The following MFSD6 variants were observed in gnomAD, a reference collection of about 807,000 sequenced individuals.
MFSD6 encodes the protein major facilitator superfamily domain-containing protein 6.
A neutral mutation model predicts 56.3 loss-of-function variants in MFSD6; 26 were observed. That is an observed-to-expected ratio of 0.46 (90% confidence interval 0.34 to 0.64). MFSD6 has a LOEUF of 0.64. Ranked by LOEUF, MFSD6 falls within the 30% of genes least tolerant of loss-of-function variation. MFSD6 has a pLI of 0.01. For missense variants in MFSD6, 750 were observed against 986.2 expected (o/e 0.76, Z 3.21); for synonymous variants, 331 against 366.9 (o/e 0.90, Z 1.12).
chr2:190,436,399 G>A lies in MFSD6; in HGVS notation c.370G>A (p.Val124Ile). The A allele has an allele frequency of 6.2e-7, 1 of 1,614,198 alleles. No homozygotes were observed. The change falls in exon 3 of 8, where the codon GTT (valine) becomes ATT (isoleucine). Residue 124 changes from valine to isoleucine, a missense_variant. Around this residue, in one of 5 missense-constraint regions of MFSD6, gnomAD observed 376 missense variants for 437.9 expected, o/e 0.86. Transcript: ENST00000392328. This position sits in a 1 kb window ranked among gnomAD's most constrained non-coding sequence, Gnocchi z 5.3. ...CTGCAGTGCCCCCTTTTGGGGTGTA[G>A]TTGCAGACCGCTTTAAAAAAGGCAA... The part of the protein sequence containing the change: ...EFCSAPFWGV[V>I]ADRFKKGKIV...
At position 190,498,425 on chromosome 2, in the gene MFSD6, A is replaced by G. The variant is rs1689831802; in HGVS notation, c.2172+706A>G. Among the ~76,000 whole-genome samples, 1 of 152,188 alleles carries G rather than the reference A, an allele frequency of 6.6e-6. No individual in the cohort carries two copies. Among genetic ancestry groups the G allele is most frequent in the Non-Finnish European group, 1.5e-5 (1 of 68,016 alleles). On this transcript the variant is annotated intron_variant, in intron 7 of 7. Transcript: ENST00000392328. This position sits in a 1 kb window ranked among gnomAD's most constrained non-coding sequence, Gnocchi z 5.9. ...TGTCTGGAGTAGCTTCAGAGGACACATAAAAATAAAGGGGAAAGATTTAAA... is the reference window on the plus strand; with the variant it reads ...TGTCTGGAGTAGCTTCAGAGGACACGTAAAAATAAAGGGGAAAGATTTAAA...
rs752624058 is a variant in MFSD6, at chr2:190,437,154, C to T, written c.1125C>T (p.Phe375=). ...ATTACCAGATCGTCTTCATCGTCTT[C>T]GGCGTTCTCATGACCATGGCCTTGA... ...YRNYQIVFIV[F]GVLMTMALIV... The change falls in exon 3 of 8, where the codon TTC becomes TTT. Residue 375 remains phenylalanine (F), a synonymous_variant. Coordinates refer to ENST00000392328, the MANE Select transcript of MFSD6 (RefSeq NM_017694.4). This position sits in a 1 kb window ranked among gnomAD's most constrained non-coding sequence, Gnocchi z 5.9. 13 of 1,614,098 alleles carry T rather than the reference C, an allele frequency of 8.1e-6. No homozygotes were observed. The highest frequency in any genetic ancestry group is 2.2e-5 in the South Asian group (2 of 91,084).
At position 190,491,347 on chromosome 2, in the gene MFSD6, G is replaced by A. The variant is rs1689341087; in HGVS notation, c.1891+1481G>A. On this transcript the variant is annotated intron_variant, in intron 6 of 7. Coordinates refer to ENST00000392328, the MANE Select transcript of MFSD6 (RefSeq NM_017694.4). The surrounding 1 kb of genome is among the most constrained non-coding windows in gnomAD (Gnocchi z 4.2). Reference sequence around the variant, plus strand: ...ATCATGCTTTTGCTCCAGAACTACTGCAGGAATATACCAGGAAAGCTGAGA... The same window carrying A: ...ATCATGCTTTTGCTCCAGAACTACTACAGGAATATACCAGGAAAGCTGAGA... Among the ~76,000 whole-genome samples the A allele has an allele frequency of 6.6e-6, 1 of 152,172 alleles. No individual in the cohort carries two copies. The highest frequency in any genetic ancestry group is 1.9e-4 in the East Asian group (1 of 5,198).
rs533377369 is a variant in MFSD6, at chr2:190,464,225, T to TA, written c.1533-5527dup. ...CGGCAAATACTGAACTTCCAAGTGA[T>TA]AAAAAACAATCTTCATCTGGGGTCT... On this transcript the variant is annotated intron_variant, in intron 3 of 7. Transcript: ENST00000392328. Among the ~76,000 whole-genome samples the TA allele has an allele frequency of 1.6e-4, 25 of 152,328 alleles. No individual in the cohort carries two copies. The East Asian group carries it at 3.1e-3, about 19-fold the overall frequency.
rs1024822116 is a variant in MFSD6, at chr2:190,502,235, G to C, written c.*2017G>C. On this transcript the variant is annotated 3_prime_UTR_variant, in exon 8 of 8. Transcript: ENST00000392328. This position sits in a 1 kb window ranked among gnomAD's most constrained non-coding sequence, Gnocchi z 4.4. Reference sequence around the variant, plus strand: ...TGTGAGCTGACACCTTCATGGGTTTGTGGACTTTGTGACTTTTTCTTCCTG... The same window carrying C: ...TGTGAGCTGACACCTTCATGGGTTTCTGGACTTTGTGACTTTTTCTTCCTG... 1.3e-5 allele frequency: 2 copies of C among 152,062 alleles called. No individual in the cohort carries two copies. The highest frequency in any genetic ancestry group is 2.1e-4 in the South Asian group (1 of 4,826). 9.4% of individuals were successfully genotyped at this position (152,062 alleles called of 1,614,324 possible).
chr2:190,411,784 A>G (rs1690575484), intron 1 of MFSD6: 1 of 985,416 alleles, frequency 1.0e-6, no homozygotes, highest in East Asian at 1.1e-4. Context: ...TTTTTCTAAT[A>G]GTAACTGTAG....
chr2:190,425,059 G>A lies in MFSD6; in HGVS notation c.-54+9646G>A, dbSNP rs1393863657. On this transcript the variant is annotated intron_variant, in intron 2 of 7. Coordinates refer to ENST00000392328, the MANE Select transcript of MFSD6 (RefSeq NM_017694.4). The surrounding 1 kb of genome is among the most constrained non-coding windows in gnomAD (Gnocchi z 4.3). ...AGCATTTTATGGTTTTCAGCATAAG[G>A]CCTTGTACACATTTTTTAAATTTAT... is the stretch of plus-strand genomic sequence containing the variant. Among the ~76,000 whole-genome samples, 1 of 152,086 alleles carries A rather than the reference G, an allele frequency of 6.6e-6. No homozygotes were observed. Among genetic ancestry groups the A allele is most frequent in the Non-Finnish European group, 1.5e-5 (1 of 68,012 alleles).
intron 3 of MFSD6, among the ~76,000 whole-genome samples, chr2:190,468,875 G>T (rs1391896559): frequency 1.3e-5 from 2 of 152,068 alleles, no homozygotes; most frequent in Non-Finnish European, 2.9e-5. Flanking sequence ...GAGCATTAAG[G>T]TTAGGAAAAT....
In MFSD6 at chr2:190,485,862, T is replaced by G. The variant is rs533817031; in HGVS notation, c.1631-2795T>G. Among the ~76,000 whole-genome samples the G allele has an allele frequency of 1.1e-4, 16 of 152,040 alleles. No homozygotes were observed. The highest frequency in any genetic ancestry group is 3.6e-4 in the African/African-American group (15 of 41,504). On this transcript the variant is annotated intron_variant, in intron 4 of 7. Transcript: ENST00000392328. The surrounding 1 kb of genome is among the most constrained non-coding windows in gnomAD (Gnocchi z 5.1). The stretch of plus-strand genomic sequence containing the variant: ...GAAACATATATAAAACCTAAGAAAG[T>G]TATTTTAATGTTTCTTAGTCAACTG...
intron 2 of MFSD6, among the ~76,000 whole-genome samples, chr2:190,427,202 T>G (rs139912770): frequency 2.2e-4 from 33 of 152,346 alleles, no homozygotes; most frequent in Admixed American, 1.7e-3. Flanking sequence ...CCATGTAATC[T>G]CCACTGATAC....
intron 1 of MFSD6, among the ~76,000 whole-genome samples, chr2:190,414,850 A>G (rs1468854522): frequency 6.6e-6 from 1 of 152,194 alleles, no homozygotes; most frequent in Non-Finnish European, 1.5e-5. Context: ...TGTCATTTTT[A>G]TCGAGTCTTT....
intron 4 of MFSD6, among the ~76,000 whole-genome samples, chr2:190,473,100 A>C (rs564867055): frequency 6.6e-6 from 1 of 152,332 alleles, no homozygotes; most frequent in East Asian, 1.9e-4. Context: ...TAAACATGGA[A>C]AGGAACAACC....
At position 190,417,684 on chromosome 2, in the gene MFSD6, C is replaced by G. The variant is rs13389753; in HGVS notation, c.-54+2271C>G. 2.0e-5 allele frequency among the ~76,000 whole-genome samples: 3 copies of G among 152,224 alleles called. No individual in the cohort carries two copies. The East Asian group carries it at 5.8e-4, about 29-fold the overall frequency. ...TGCTGTCTGGGTGGCCTCATGTGCCCTTTAGTCTTGGGATAAATCTTTTAC... is the reference window on the plus strand; with the variant it reads ...TGCTGTCTGGGTGGCCTCATGTGCCGTTTAGTCTTGGGATAAATCTTTTAC... On this transcript the variant is annotated intron_variant, in intron 2 of 7. Transcript: ENST00000392328. This position sits in a 1 kb window ranked among gnomAD's most constrained non-coding sequence, Gnocchi z 5.7.
chr2:190,445,688 C>T lies in MFSD6; in HGVS notation c.1532+8127C>T, dbSNP rs147638971. Reference sequence around the variant, plus strand: ...TGGCTTTAGAACATAAGGTCTTTTTCCTCTCCTGGTACCTTGGTTTAAAAA... The same window carrying T: ...TGGCTTTAGAACATAAGGTCTTTTTTCTCTCCTGGTACCTTGGTTTAAAAA... On this transcript the variant is annotated intron_variant, in intron 3 of 7. Coordinates refer to ENST00000392328, the MANE Select transcript of MFSD6 (RefSeq NM_017694.4). Among the ~76,000 whole-genome samples, 298 of 152,132 alleles carry T rather than the reference C, an allele frequency of 2.0e-3. 1 individual carries two copies. The highest frequency in any genetic ancestry group is 6.8e-3 in the African/African-American group (281 of 41,510).
In MFSD6 at chr2:190,488,632, C is replaced by T. The variant is rs79694094; in HGVS notation, c.1631-25C>T. The T allele has an allele frequency of 9.8e-6, 14 of 1,424,542 alleles. No individual in the cohort carries two copies. In the African/African-American group the frequency reaches 2.1e-4, roughly 21 times the overall value. 88.2% of individuals were successfully genotyped at this position (1,424,542 alleles called of 1,614,324 possible). On this transcript the variant is annotated intron_variant, in intron 4 of 7. Transcript: ENST00000392328. The surrounding 1 kb of genome is among the most constrained non-coding windows in gnomAD (Gnocchi z 6.4). ...GCCTAAGAAATGCTAACCAACTAAT[C>T]CCTCCTGCTCTTCTTCCTCTCCAGG...
intron 3 of MFSD6, among the ~76,000 whole-genome samples, chr2:190,450,600 C>A (rs544296205): frequency 7.1e-6 from 1 of 141,558 alleles, no homozygotes; most frequent in Admixed American, 7.7e-5. Context: ...TCAGATGATA[C>A]CCCCACCCCA....
chr2:190,441,141 G>A (rs546851139), intron 3 of MFSD6, among the ~76,000 whole-genome samples: 18 of 152,102 alleles, frequency 1.2e-4, no homozygotes, highest in African/African-American at 4.3e-4. Context: ...CCATCTCTTT[G>A]TGCCATCTTT....
rs941428419 is a variant in MFSD6, at chr2:190,459,726, G to A, written c.1533-10032G>A. ...AGTGATCCTGCTGATGGTGACCATA[G>A]TTACACTCTTAGCTTATCAGTCATT... On this transcript the variant is annotated intron_variant, in intron 3 of 7. Transcript: ENST00000392328. The surrounding 1 kb of genome is among the most constrained non-coding windows in gnomAD (Gnocchi z 5.3). 1.3e-5 allele frequency among the ~76,000 whole-genome samples: 2 copies of A among 152,162 alleles called. No homozygotes were observed. Among genetic ancestry groups the A allele is most frequent in the African/African-American group, 4.8e-5 (2 of 41,430 alleles).
At chr2:190,477,380 G>A in intron 4 of MFSD6, 1 of 977,804 alleles carries the variant, frequency 1.0e-6, no homozygotes, top group Non-Finnish European at 1.2e-6. Context: ...ATAAAGATTT[G>A]TATACCTACA....
Sources: gnomAD v4.1 joint callset for allele counts (sites outside exome capture counted in the v4.1 genomes callset) on GRCh38, gnomAD v4.1.1 for gene constraint, gnomAD v4.1.1 regional missense constraint, Gnocchi (gnomAD v3.1) non-coding constraint, MANE v1.5 for transcripts, NCBI Gene and HGNC (gene_info 2026-07-23, HGNC 2026-07-21) for gene names.